TENM2: variants seen among roughly 807,000 people sequenced by gnomAD.
The protein encoded by TENM2 is teneurin-2.
TENM2 carries 52 observed loss-of-function variants against 245.2 expected under a neutral mutation model. The observed-to-expected ratio is 0.21, with a 90% CI of 0.17 to 0.27. The LOEUF (loss-of-function observed/expected upper bound fraction) is 0.27. TENM2 is among the 10% of genes least tolerant of loss of function. The pLI is 1.00. For synonymous variants in TENM2, 1,363 were observed against 1,438.9 expected, an observed-to-expected ratio of 0.95 and a Z score of 1.19; for missense variants, 3,046 against 3,666.8, an observed-to-expected ratio of 0.83 and a Z score of 4.37.
intron 1 of TENM2, among the ~76,000 whole-genome samples, chr5:167,339,513 ATTC>A (rs2127809337): frequency 6.6e-6 from 1 of 151,424 alleles, no homozygotes; most frequent in Non-Finnish European, 1.5e-5. Context: ...TCATTCATTT[ATTC>A]TTTTTTTTTT....
intron 2 of TENM2, among the ~76,000 whole-genome samples, chr5:167,835,322 C>T (rs1436582145): frequency 6.6e-6 from 1 of 152,136 alleles, no homozygotes; most frequent in African/African-American, 2.4e-5. Flanking sequence ...TGCAGAGCTG[C>T]AATTTGGGAC....
intron 2 of TENM2, among the ~76,000 whole-genome samples, chr5:167,567,607 A>G (rs1309516778): frequency 6.6e-6 from 1 of 152,162 alleles, no homozygotes; most frequent in Admixed American, 6.5e-5. Context: ...GCAGTTGTTA[A>G]TTCTTCCTAC....
At chr5:168,191,064 C>T (rs1379723936) in intron 14 of TENM2, among the ~76,000 whole-genome samples, 1 of 152,074 alleles carries the variant, frequency 6.6e-6, no homozygotes, top group African/African-American at 2.4e-5. Flanking sequence ...ATCTCTAATC[C>T]ACACAACAAT....
the TENM2 span, among the ~76,000 whole-genome samples, chr5:167,238,597 T>C: frequency 6.6e-6 from 1 of 152,080 alleles, no homozygotes; most frequent in East Asian, 1.9e-4. Context: ...GTTCTACCCA[T>C]GTTTGTATGC....
intron 2 of TENM2, among the ~76,000 whole-genome samples, chr5:167,821,744 C>A (rs532919919): frequency 2.0e-5 from 3 of 152,016 alleles, no homozygotes; most frequent in Non-Finnish European, 4.4e-5. Context: ...TTACTAAGAA[C>A]TCTACAAGTC....
chr5:167,214,101 A>G, the TENM2 span, among the ~76,000 whole-genome samples: 1 of 152,246 alleles, frequency 6.6e-6, no homozygotes, highest in East Asian at 1.9e-4. Flanking sequence ...AGCCATTCCC[A>G]TTGTAGTCTA....
chr5:167,809,797 A>G (rs927686226), intron 2 of TENM2, among the ~76,000 whole-genome samples: 1 of 152,118 alleles, frequency 6.6e-6, no homozygotes, highest in African/African-American at 2.4e-5. Flanking sequence ...TGCGATCTTT[A>G]TATGTAGTTT....
At chr5:167,370,979 G>T (rs1760381825) in intron 1 of TENM2, among the ~76,000 whole-genome samples, 1 of 152,194 alleles carries the variant, frequency 6.6e-6, no homozygotes, top group South Asian at 2.1e-4. Context: ...CAAAGTAAGT[G>T]CAAAACAGTA....
Position 168,083,203 on chromosome 5 carries a change from G to T in TENM2, c.1516-7371G>T, listed in dbSNP as rs544660627. ...CCACCTTGCTGTTGGATATCAGACT[G>T]CTGTGCCAGCAATAACCGAGGATCC... is the stretch of plus-strand genomic sequence containing the variant. On this transcript the variant is annotated intron_variant, in intron 7 of 28. Coordinates refer to ENST00000518659, the Ensembl canonical transcript of TENM2. 2.6e-5 allele frequency among the ~76,000 whole-genome samples: 4 copies of T among 152,302 alleles called. No homozygotes were observed. In the South Asian group the frequency reaches 8.3e-4, roughly 32 times the overall value.
At chr5:167,452,686 A>G (rs1303418495) in intron 2 of TENM2, among the ~76,000 whole-genome samples, 1 of 151,786 alleles carries the variant, frequency 6.6e-6, no homozygotes, top group Non-Finnish European at 1.5e-5. Context: ...AGATTCACTA[A>G]TAACGAGCTC....
rs146857485 is a variant in TENM2 at position 167,856,723 on chromosome 5, A to T, written c.503-19263A>T. On this transcript the variant is annotated intron_variant, in intron 2 of 28. Coordinates refer to ENST00000518659, the Ensembl canonical transcript of TENM2. ...GGGGCTGTGAGAGCAGTGTTCACAA[A>T]ATTATGGGGATTTAGGACTGGAACT... 7.9e-4 allele frequency among the ~76,000 whole-genome samples: 121 copies of T among 152,280 alleles called. 2 individuals carry two copies. The highest frequency in any genetic ancestry group is 1.4e-3 in the Non-Finnish European group (96 of 68,016).
At chr5:168,155,411 G>C (rs911665259) in intron 12 of TENM2, among the ~76,000 whole-genome samples, 1 of 151,574 alleles carries the variant, frequency 6.6e-6, no homozygotes. Flanking sequence ...AAAGGGGGGG[G>C]GGGTCCATAA....
intron 2 of TENM2, among the ~76,000 whole-genome samples, chr5:167,818,070 A>G (rs1471524062): frequency 6.6e-6 from 1 of 152,176 alleles, no homozygotes; most frequent in East Asian, 1.9e-4. Context: ...TGTTTTGGGT[A>G]TCAAAAATCT....
chr5:167,876,042 A>G (rs1583256229), exon 3 of TENM2: 10 of 1,551,160 alleles, frequency 6.4e-6, no homozygotes, highest in Non-Finnish European at 8.7e-6. Flanking sequence ...TCAGCTGCCT[A>G]GCTCCCATAA....
the TENM2 span, among the ~76,000 whole-genome samples, chr5:167,111,930 C>T: frequency 6.6e-6 from 1 of 152,154 alleles, no homozygotes; most frequent in African/African-American, 2.4e-5. Context: ...ATTCGATTTA[C>T]TAATTTGTTC....
chr5:167,473,253 A>T (rs1767149186), intron 2 of TENM2, among the ~76,000 whole-genome samples: 1 of 152,176 alleles, frequency 6.6e-6, no homozygotes, highest in Non-Finnish European at 1.5e-5. Context: ...ATGCCATCCA[A>T]ATTATTTGAC....
intron 1 of TENM2, among the ~76,000 whole-genome samples, chr5:167,357,706 G>A (rs1320702115): frequency 1.3e-5 from 2 of 152,112 alleles, no homozygotes; most frequent in East Asian, 1.9e-4. Context: ...ATGTGTGTAC[G>A]ATAATAAATT....
the TENM2 span, among the ~76,000 whole-genome samples, chr5:167,221,683 A>G: frequency 6.6e-6 from 1 of 152,242 alleles, no homozygotes; most frequent in Non-Finnish European, 1.5e-5. Context: ...GAAATATAGT[A>G]AAACACTAAC....
At chr5:167,493,751 C>T (rs1016764567) in intron 2 of TENM2, among the ~76,000 whole-genome samples, 2 of 151,874 alleles carry the variant, frequency 1.3e-5, no homozygotes, top group Admixed American at 6.6e-5. Context: ...CTGTAGGGGT[C>T]CACTCATTTA....
Sources: gnomAD v4.1 joint callset for allele counts (sites outside exome capture counted in the v4.1 genomes callset) on GRCh38, gnomAD v4.1.1 for gene constraint, MANE v1.5 for transcripts, NCBI Gene and HGNC (gene_info 2026-07-23, HGNC 2026-07-21) for gene names.